Variants in DPP6 observed in about 807,000 individuals in gnomAD.
The protein encoded by DPP6 is dipeptidyl peptidase like 6, also known as A-type potassium channel modulatory protein DPP6.
In DPP6, 69 loss-of-function variants were observed where a neutral mutation model predicts 122.6. The observed-to-expected ratio is 0.56, with a 90% CI of 0.46 to 0.69. DPP6 has a LOEUF of 0.69. Among genes scored for constraint, DPP6 ranks in the 30% least tolerant of loss-of-function variants. The pLI is 0.00. For synonymous variants in DPP6, 418 were observed against 433.1 expected, an observed-to-expected ratio of 0.97 and a Z score of 0.43; for missense variants, 928 against 1,116.9, an observed-to-expected ratio of 0.83 and a Z score of 2.41.
At chr7:154,074,558 A>G (rs529508877) in intron 1 of DPP6, among the ~76,000 whole-genome samples, 2 of 152,370 alleles carry the variant, frequency 1.3e-5, no homozygotes, top group East Asian at 3.9e-4. Context: ...TTTCCAATAT[A>G]AATTCATTTA....
In DPP6 at chr7:154,486,654, T is replaced by G. The variant is rs1465510723; in HGVS notation, c.457+11617T>G. ...TACCGCAGTAGAACTTTACAAAACT[T>G]CAGTCAGAGCATCAGCTTGTGAACC... On this transcript the variant is annotated intron_variant, in intron 3 of 25. Coordinates refer to ENST00000377770, the MANE Select transcript of DPP6 (RefSeq NM_130797.4). The surrounding 1 kb of genome is among the most constrained non-coding windows in gnomAD (Gnocchi z 4.5). 6.6e-6 allele frequency among the ~76,000 whole-genome samples: 1 copy of G among 152,194 alleles called. No individual in the cohort carries two copies. The highest frequency in any genetic ancestry group is 1.5e-5 in the Non-Finnish European group (1 of 68,034).
intron 1 of DPP6, among the ~76,000 whole-genome samples, chr7:153,922,934 G>A (rs1357765630): frequency 6.6e-6 from 1 of 152,206 alleles, no homozygotes; most frequent in Non-Finnish European, 1.5e-5. Flanking sequence ...GCAGACACCT[G>A]CAGTCCCTGA....
chr7:154,431,028 G>C (rs1401715821), intron 1 of DPP6, among the ~76,000 whole-genome samples: 1 of 152,120 alleles, frequency 6.6e-6, no homozygotes, highest in Non-Finnish European at 1.5e-5. Flanking sequence ...ACTTTGATTG[G>C]CACCCAGAGA....
intron 1 of DPP6, among the ~76,000 whole-genome samples, chr7:154,277,963 T>G (rs13237209): frequency 0.26 from 39,573 of 152,034 alleles, 5,535 homozygotes; most frequent in Non-Finnish European, 0.31. Flanking sequence ...TGCTGAATAA[T>G]CAGGCAGGTG....
intron 3 of DPP6, among the ~76,000 whole-genome samples, chr7:154,504,836 G>A (rs35825089): frequency 0.097 from 14,606 of 150,826 alleles, 747 homozygotes; most frequent in Non-Finnish European, 0.11. Context: ...AAAATTACAT[G>A]TTTTTGAAAC....
the DPP6 span, among the ~76,000 whole-genome samples, chr7:153,818,539 A>C: frequency 6.6e-6 from 1 of 152,196 alleles, no homozygotes; most frequent in African/African-American, 2.4e-5. Flanking sequence ...GTGAATTAAC[A>C]ACACAAAATT....
intron 2 of DPP6, among the ~76,000 whole-genome samples, chr7:154,446,812 A>G (rs1006232462): frequency 3.3e-5 from 5 of 152,240 alleles, no homozygotes; most frequent in African/African-American, 1.2e-4. Context: ...GAAGAAACCT[A>G]CAACAAATAC....
intron 1 of DPP6, among the ~76,000 whole-genome samples, chr7:154,074,368 A>G (rs975682969): frequency 3.3e-5 from 5 of 152,116 alleles, no homozygotes; most frequent in African/African-American, 1.2e-4. Flanking sequence ...ACTAACCAAG[A>G]CAATCATGAA....
chr7:154,237,973 C>T (rs886306021), intron 1 of DPP6, among the ~76,000 whole-genome samples: 2 of 152,204 alleles, frequency 1.3e-5, no homozygotes, highest in African/African-American at 2.4e-5. Context: ...TCTGCCAGCT[C>T]GTGTCTGAGA....
intron 1 of DPP6, among the ~76,000 whole-genome samples, chr7:154,316,920 G>T (rs1807478408): frequency 6.6e-6 from 1 of 152,162 alleles, no homozygotes. Flanking sequence ...TGCTAGGTAG[G>T]CAGCGTTGGA....
In DPP6 at chr7:154,892,358, T is replaced by C. The variant is rs776929990; in HGVS notation, c.2476T>C (p.Phe826Leu). The C allele has an allele frequency of 2.5e-6, 4 of 1,614,044 alleles. No homozygotes were observed. Among genetic ancestry groups the C allele is most frequent in the Non-Finnish European group, 3.4e-6 (4 of 1,179,896 alleles). Reference sequence around the variant, plus strand: ...GATTTACCCGGACGAAAGCCATTACTTTACCAGCTCCAGCCTCAAACAGCA... The same window carrying C: ...GATTTACCCGGACGAAAGCCATTACCTTACCAGCTCCAGCCTCAAACAGCA... ...LQIYPDESHY[F>L]TSSSLKQHLY... The change falls in exon 26 of 26, where the codon TTT becomes CTT. Residue 826 changes from phenylalanine (F) to leucine (L), a missense_variant. Physicochemically the swap from Phe to Leu is conservative, Grantham distance 22 (BLOSUM62 0). Transcript: ENST00000377770.
chr7:154,344,107 C>A (rs998486972), intron 1 of DPP6, among the ~76,000 whole-genome samples: 2 of 152,104 alleles, frequency 1.3e-5, no homozygotes, highest in Admixed American at 6.5e-5. Flanking sequence ...AGGGGCACTG[C>A]CCTGTCTTTG....
chr7:154,879,588 CAAAAAAAAAAAAAA>C (rs778157355), intron 20 of DPP6, among the ~76,000 whole-genome samples: 3 of 41,616 alleles, frequency 7.2e-5, no homozygotes, highest in Non-Finnish European at 7.5e-5. Flanking sequence ...GACTCCGTCT[CAAAAAAAAAAAAAA>C]AAAAAAAACA....
intron 22 of DPP6, among the ~76,000 whole-genome samples, chr7:154,887,193 C>T (rs10156155): frequency 0.047 from 7,133 of 152,296 alleles, 438 homozygotes; most frequent in Admixed American, 0.16. Flanking sequence ...AGAGCCCTTT[C>T]GGCCCTCAGC....
At chr7:154,809,357 T>G (rs1165127885) in intron 16 of DPP6, among the ~76,000 whole-genome samples, 1 of 152,124 alleles carries the variant, frequency 6.6e-6, no homozygotes, top group Non-Finnish European at 1.5e-5. Context: ...TTAATTATTG[T>G]CCCATTTGAT....
At chr7:153,984,103 CGT>C (rs920540341) in intron 1 of DPP6, among the ~76,000 whole-genome samples, 16 of 142,832 alleles carry the variant, frequency 1.1e-4, no homozygotes, top group Admixed American at 2.1e-4. Context: ...CACACACACA[CGT>C]GTCACAAGTG....
the DPP6 span, among the ~76,000 whole-genome samples, chr7:153,770,417 G>A: frequency 1.3e-5 from 2 of 151,996 alleles, no homozygotes; most frequent in African/African-American, 4.8e-5. Flanking sequence ...CTAAACCCAA[G>A]GTACTGATAA....
intron 1 of DPP6, among the ~76,000 whole-genome samples, chr7:153,989,667 G>GAT (rs1389548538): frequency 6.6e-6 from 1 of 151,998 alleles, no homozygotes; most frequent in African/African-American, 2.4e-5. Context: ...GCCCCAGAAT[G>GAT]AGCTTGAGAG....
chr7:154,295,995 A>G lies in DPP6; in HGVS notation c.244-150219A>G, dbSNP rs1345904756. 2.1e-4 allele frequency among the ~76,000 whole-genome samples: 29 copies of G among 139,792 alleles called. No homozygotes were observed. In the East Asian group the frequency reaches 5.9e-3, roughly 28 times the overall value. The allele number at this position is 139,792 out of a possible 152,430, so 91.7% of individuals were successfully genotyped here. ...AGTCTCTCTCTGTCACCCAGGCTGG[A>G]GTGCAGTGGTGCTATCTCGGCTCAC... On this transcript the variant is annotated intron_variant, in intron 1 of 25. Transcript: ENST00000377770.
Sources: gnomAD v4.1 joint callset for allele counts (sites outside exome capture counted in the v4.1 genomes callset) on GRCh38, gnomAD v4.1.1 for gene constraint, Gnocchi (gnomAD v3.1) non-coding constraint, MANE v1.5 for transcripts, NCBI Gene and HGNC (gene_info 2026-07-23, HGNC 2026-07-21) for gene names.